Variants in INPP5B observed in about 807,000 individuals in gnomAD.
INPP5B encodes inositol polyphosphate-5-phosphatase B.
A neutral mutation model predicts 118.5 loss-of-function variants in INPP5B; 90 were observed. That is an observed-to-expected ratio of 0.76 (90% CI 0.64 to 0.90). INPP5B has a LOEUF of 0.90. Among genes scored for constraint, INPP5B ranks in the 40% least tolerant of loss-of-function variants. The pLI, the probability that INPP5B is intolerant of heterozygous loss-of-function variation, is 0.00. For synonymous variants in INPP5B, 385 were observed against 418.9 expected (o/e 0.92, Z 0.99); for missense variants, 984 against 1,125.6 (o/e 0.87, Z 1.80).
In INPP5B at chr1:37,868,482, A is replaced by G; in HGVS notation, c.2301+19T>C. The G allele has an allele frequency of 6.4e-7, 1 of 1,566,398 alleles. No homozygotes were observed. Among genetic ancestry groups the G allele is most frequent in the Non-Finnish European group, 8.8e-7 (1 of 1,136,778 alleles). On this transcript the variant is annotated intron_variant, in intron 20 of 23. Transcript: ENST00000373024. The stretch of plus-strand genomic sequence containing the variant: ...GCAGCCTGGCCTCAATCAGGTCTGA[A>G]TGCTTAAACACAACCTACCTGCTGG...
chr1:37,943,998 G>T, intron 3 of INPP5B, 105 bp from the exon 4 acceptor site: 1 of 779,194 alleles, frequency 1.3e-6, no homozygotes. Flanking sequence ...CCCTAACACT[G>T]TGCTGGTGGT....
chr1:37,928,360 TTTTTG>T (rs200901722), intron 7 of INPP5B, among the ~76,000 whole-genome samples: 1,897 of 151,522 alleles, frequency 0.013, 44 homozygotes, highest in African/African-American at 0.044. Flanking sequence ...TTTTGGGGTT[TTTTTG>T]TTTTGTTTTG....
chr1:37,946,604 T>G (rs566877385), intron 1 of INPP5B, among the ~76,000 whole-genome samples: 5 of 152,202 alleles, frequency 3.3e-5, no homozygotes, highest in Admixed American at 6.5e-5. Flanking sequence ...CTCTTGAGTG[T>G]GGTCTATCCT....
At chr1:37,873,967 C>T in intron 18 of INPP5B, 26 bp downstream of exon 18, 1 of 1,496,988 alleles carries the variant, frequency 6.7e-7, no homozygotes. Context: ...AACCAGATAC[C>T]AGGAAGCTAG....
In INPP5B at chr1:37,896,829, C is replaced by T. The variant is rs1401859391; in HGVS notation, c.533-5375G>A. 1.2e-4 allele frequency among the ~76,000 whole-genome samples: 17 copies of T among 139,562 alleles called. 2 individuals are homozygous for T. In the South Asian group the frequency reaches 3.5e-3, roughly 29 times the overall value. 91.6% of individuals were successfully genotyped at this position (139,562 alleles called of 152,430 possible). ...GCCGCCCTGTCCGGGAGGTGAGGGG[C>T]GCCTCTGCCTAGCCGCCCCTACGGG... On this transcript the variant is annotated intron_variant, in intron 7 of 23. Transcript: ENST00000373024.
intron 12 of INPP5B, among the ~76,000 whole-genome samples, chr1:37,886,331 C>T (rs1189179510): frequency 1.3e-5 from 2 of 151,962 alleles, no homozygotes; most frequent in Non-Finnish European, 2.9e-5. Flanking sequence ...AATCCACAAC[C>T]TAACTCTCTC....
intron 16 of INPP5B, among the ~76,000 whole-genome samples, 191 bp downstream of exon 16, chr1:37,877,997 G>A (rs374891217): frequency 6.6e-6 from 1 of 152,176 alleles, no homozygotes; most frequent in Non-Finnish European, 1.5e-5. Flanking sequence ...GAACTTCCAT[G>A]TATGAGGAAA....
intron 7 of INPP5B, among the ~76,000 whole-genome samples, chr1:37,900,992 C>T (rs1004177814): frequency 8.6e-5 from 13 of 151,224 alleles, no homozygotes; most frequent in African/African-American, 2.9e-4. Context: ...TTGTATTTTT[C>T]GTAGAGATGG....
At chr1:37,883,855 G>C in intron 13 of INPP5B, 1 of 985,386 alleles carries the variant, frequency 1.0e-6, no homozygotes, top group African/African-American at 1.7e-5. Flanking sequence ...CACGGCCCCA[G>C]TGGCTTCTTC....
In INPP5B at chr1:37,889,848, A is replaced by G. The variant is rs61776667; in HGVS notation, c.630-124T>C. 0.11 allele frequency: 66,613 copies of G among 595,234 alleles called. 4,648 individuals carry two copies. The highest frequency in any genetic ancestry group is 0.24 in the Middle Eastern group (840 of 3,546). The allele number at this position is 595,234 out of a possible 1,614,324, so 36.9% of individuals were successfully genotyped here. A position where few individuals can be genotyped will look rare whatever the true frequency, so the allele number is the denominator to read the frequency against. On this transcript the variant is annotated intron_variant, in intron 8 of 23. Transcript: ENST00000373024. ...ACAGAAGACTAAAGGAGGCCAAAGT[A>G]AAATTTATCTACTAAAACAACACTA...
chr1:37,934,886 C>T (rs28493395), intron 6 of INPP5B, among the ~76,000 whole-genome samples: 66,517 of 151,140 alleles, frequency 0.44, 17,149 homozygotes, highest in Non-Finnish European at 0.58. Context: ...ATCTGACAGG[C>T]GGTGTTCTTT....
intron 20 of INPP5B, among the ~76,000 whole-genome samples, chr1:37,867,340 T>C (rs77586280): frequency 0.016 from 2,479 of 152,304 alleles, 72 homozygotes; most frequent in African/African-American, 0.057. Flanking sequence ...ATAATAACAA[T>C]ATTATATGTA....
chr1:37,872,903 G>C (rs370687527), intron 19 of INPP5B, 27 bp downstream of exon 19: 1 of 1,533,366 alleles, frequency 6.5e-7, no homozygotes, highest in Non-Finnish European at 9.0e-7. Context: ...CAAAGTTCTA[G>C]ATGTTTCTTT....
chr1:37,938,968 C>T (rs1460561195), intron 6 of INPP5B, among the ~76,000 whole-genome samples: 4 of 151,624 alleles, frequency 2.6e-5, no homozygotes, highest in Non-Finnish European at 5.9e-5. Flanking sequence ...CTGAGGTGGG[C>T]GGATCACCTG....
intron 7 of INPP5B, among the ~76,000 whole-genome samples, chr1:37,913,200 T>G (rs377219521): frequency 6.6e-6 from 1 of 152,150 alleles, no homozygotes; most frequent in South Asian, 2.1e-4. Flanking sequence ...GAGCTTGCAG[T>G]GAGCCGAGAT....
In INPP5B at chr1:37,917,304, AT is replaced by A. The variant is rs1335258535; in HGVS notation, c.532+14608del. Among the ~76,000 whole-genome samples the A allele has an allele frequency of 3.1e-3, 82 of 26,788 alleles. 1 individual carries two copies. The highest frequency in any genetic ancestry group is 6.4e-3 in the African/African-American group (73 of 11,392). The allele number at this position is 26,788 out of a possible 152,430, so 17.6% of individuals were successfully genotyped here. On this transcript the variant is annotated intron_variant, in intron 7 of 23. Transcript: ENST00000373024. ...ACTCCGTCTCGGGGGAAAAAAAAAA[AT>A]AATTATATATATATATATATATATA...
intron 6 of INPP5B, among the ~76,000 whole-genome samples, chr1:37,938,385 C>A (rs528309009): frequency 5.3e-5 from 8 of 151,940 alleles, no homozygotes; most frequent in Non-Finnish European, 8.8e-5. Flanking sequence ...TAGTGCCTAA[C>A]GCATGCCAAA....
chr1:37,907,649 C>T lies in INPP5B; in HGVS notation c.533-16195G>A, dbSNP rs1212196281. Among the ~76,000 whole-genome samples the T allele has an allele frequency of 6.6e-6, 1 of 152,178 alleles. No individual in the cohort carries two copies. Among genetic ancestry groups the T allele is most frequent in the Non-Finnish European group, 1.5e-5 (1 of 68,034 alleles). On this transcript the variant is annotated intron_variant, in intron 7 of 23. Transcript: ENST00000373024. This position sits in a 1 kb window ranked among gnomAD's most constrained non-coding sequence, Gnocchi z 4.3. ...ATAAAGACCTTGCTGATAAAACATG[C>T]TCAAGTAAAGAAGCCTGCTAACACC...
intron 7 of INPP5B, chr1:37,931,650 C>T: frequency 6.5e-7 from 1 of 1,534,218 alleles, no homozygotes. Context: ...CTCCCCAGCC[C>T]AGCTTCCCGC....
Sources: allele counts gnomAD v4.1 joint callset (sites outside exome capture counted in the v4.1 genomes callset), GRCh38; gene constraint gnomAD v4.1.1; non-coding constraint Gnocchi (gnomAD v3.1); transcripts MANE v1.5; gene names NCBI Gene and HGNC (gene_info 2026-07-23, HGNC 2026-07-21).